The following RAB38 variants were observed in gnomAD, a reference collection of about 807,000 sequenced individuals.
RAB38 encodes the protein ras-related protein Rab-38.
RAB38 carries 15 observed loss-of-function variants against 18.4 expected under a neutral mutation model. The observed-to-expected ratio is 0.82, with a 90% CI of 0.55 to 1.26. RAB38 has a LOEUF of 1.26. Among genes scored for constraint, RAB38 ranks in the 50% most tolerant of loss-of-function variants. RAB38 has a pLI of 0.00. For missense variants in RAB38, 294 were observed against 267.4 expected, an observed-to-expected ratio of 1.10 and a Z score of -0.69; for synonymous variants, 101 against 104.4, an observed-to-expected ratio of 0.97 and a Z score of 0.20.
chr11:88,020,767 T>C, the RAB38 span, among the ~76,000 whole-genome samples: 1 of 151,872 alleles, frequency 6.6e-6, no homozygotes, highest in Admixed American at 6.6e-5. Context: ...CACAATCGAA[T>C]GAAACTAGAA....
the RAB38 span, among the ~76,000 whole-genome samples, chr11:87,878,031 G>T: frequency 6.6e-6 from 1 of 150,696 alleles, no homozygotes; most frequent in African/African-American, 2.4e-5. Context: ...TGTATGTAGG[G>T]AAACTGAGCC....
chr11:88,164,146 A>C (rs1246305027), intron 1 of RAB38, among the ~76,000 whole-genome samples: 1 of 152,014 alleles, frequency 6.6e-6, no homozygotes, highest in Non-Finnish European at 1.5e-5. Context: ...CCATTAAATA[A>C]ATTTTTATAA....
the RAB38 span, among the ~76,000 whole-genome samples, chr11:88,051,945 G>A: frequency 7.2e-5 from 11 of 152,144 alleles, no homozygotes; most frequent in East Asian, 7.7e-4. Flanking sequence ...CCCACATGGC[G>A]AAACACCTTC....
At chr11:88,154,358 A>G (rs1157442464) in intron 1 of RAB38, among the ~76,000 whole-genome samples, 1 of 152,228 alleles carries the variant, frequency 6.6e-6, no homozygotes, top group Non-Finnish European at 1.5e-5. Context: ...AAAGCCCCTC[A>G]GCAGTAGGTG....
At chr11:87,902,364 C>G in the RAB38 span, among the ~76,000 whole-genome samples, 1 of 151,656 alleles carries the variant, frequency 6.6e-6, no homozygotes, top group African/African-American at 2.4e-5. Flanking sequence ...AGACTCAACT[C>G]TCTCCCATTG....
intron 2 of RAB38, among the ~76,000 whole-genome samples, chr11:88,122,762 C>A: frequency 6.6e-6 from 1 of 152,212 alleles, no homozygotes; most frequent in Non-Finnish European, 1.5e-5. Context: ...GTAGAAATTA[C>A]ATAAATTATG....
At chr11:87,828,297 A>G in the RAB38 span, among the ~76,000 whole-genome samples, 92 of 152,298 alleles carry the variant, frequency 6.0e-4, no homozygotes, top group African/African-American at 2.1e-3. Flanking sequence ...TGCTTAGACT[A>G]TCAAGAATGC....
the RAB38 span, among the ~76,000 whole-genome samples, chr11:88,101,274 T>C: frequency 6.6e-6 from 1 of 152,010 alleles, no homozygotes; most frequent in Non-Finnish European, 1.5e-5. Context: ...CATTTTTTCA[T>C]AATCTTTGAT....
At chr11:88,067,488 T>C in the RAB38 span, among the ~76,000 whole-genome samples, 1 of 152,182 alleles carries the variant, frequency 6.6e-6, no homozygotes, top group South Asian at 2.1e-4. Context: ...ATGAGCTCTA[T>C]ATTAAAAAGC....
the RAB38 span, among the ~76,000 whole-genome samples, chr11:88,062,945 T>C: frequency 6.6e-6 from 1 of 152,224 alleles, no homozygotes; most frequent in Non-Finnish European, 1.5e-5. Flanking sequence ...GATGATGGGA[T>C]TAGGGTGGTT....
intron 1 of RAB38, among the ~76,000 whole-genome samples, chr11:88,163,223 G>T (rs1301570413): frequency 1.3e-5 from 2 of 152,042 alleles, no homozygotes; most frequent in African/African-American, 2.4e-5. Flanking sequence ...TACCCTAAGA[G>T]GCTGTTACTT....
the RAB38 span, among the ~76,000 whole-genome samples, chr11:87,892,872 G>GTT: frequency 6.6e-6 from 1 of 151,778 alleles, no homozygotes; most frequent in South Asian, 2.1e-4. Flanking sequence ...TATTGGAATT[G>GTT]TTAGACTTTA....
At chr11:88,071,555 G>A in the RAB38 span, among the ~76,000 whole-genome samples, 1 of 152,252 alleles carries the variant, frequency 6.6e-6, no homozygotes, top group East Asian at 1.9e-4. Flanking sequence ...TAAAGGCAAT[G>A]TTTTACTGCC....
At chr11:88,015,336 A>G in the RAB38 span, among the ~76,000 whole-genome samples, 3 of 152,172 alleles carry the variant, frequency 2.0e-5, no homozygotes, top group African/African-American at 7.2e-5. Flanking sequence ...TTAGTTCATT[A>G]GGTAATGTAG....
At chr11:88,063,715 G>A in the RAB38 span, among the ~76,000 whole-genome samples, 2 of 152,122 alleles carry the variant, frequency 1.3e-5, no homozygotes, top group African/African-American at 4.8e-5. Context: ...TAAGTCCCAT[G>A]AGGTTTATTG....
chr11:88,029,505 C>T, the RAB38 span, among the ~76,000 whole-genome samples: 10 of 152,100 alleles, frequency 6.6e-5, no homozygotes, highest in African/African-American at 1.9e-4. Context: ...CAGAGACACA[C>T]ATAGGCTTAA....
At chr11:88,035,131 T>G in the RAB38 span, among the ~76,000 whole-genome samples, 6 of 152,226 alleles carry the variant, frequency 3.9e-5, no homozygotes, top group Non-Finnish European at 5.9e-5. Context: ...TCTTGTAAAC[T>G]CTCTCAAAGA....
chr11:88,160,910 C>A (rs755440365), intron 1 of RAB38, among the ~76,000 whole-genome samples: 1 of 152,008 alleles, frequency 6.6e-6, no homozygotes, highest in African/African-American at 2.4e-5. Flanking sequence ...ATCATTTGTA[C>A]CCCAAAGCTC....
chr11:87,930,399 G>C, the RAB38 span, among the ~76,000 whole-genome samples: 1 of 151,574 alleles, frequency 6.6e-6, no homozygotes, highest in African/African-American at 2.4e-5. Context: ...TTCGCCCACT[G>C]GTTGATGGGG....
Sources: gnomAD v4.1 joint callset for allele counts (sites outside exome capture counted in the v4.1 genomes callset) on GRCh38, gnomAD v4.1.1 for gene constraint, MANE v1.5 for transcripts, NCBI Gene and HGNC (gene_info 2026-07-23, HGNC 2026-07-21) for gene names.